The following NCMAP variants were observed in gnomAD, a reference collection of about 807,000 sequenced individuals.
The protein encoded by NCMAP is noncompact myelin-associated protein.
Under a neutral mutation model 7.8 loss-of-function variants are expected in NCMAP, and 8 were observed. The observed-to-expected ratio is 1.02, with a 90% CI of 0.60 to 1.84. The LOEUF (loss-of-function observed/expected upper bound fraction) is 1.84. NCMAP is among the 40% of genes most tolerant of loss of function. The probability of loss-of-function intolerance (pLI) is 0.00; values close to 1 mark genes in which losing one functional copy is unlikely to be tolerated. For missense variants in NCMAP, 112 were observed against 131.4 expected (o/e 0.85, Z 0.72); for synonymous variants, 41 against 52.9 (o/e 0.78, Z 0.98).
At chr1:24,565,255 A>G (rs1651190145) in intron 1 of NCMAP, among the ~76,000 whole-genome samples, 1 of 151,924 alleles carries the variant, frequency 6.6e-6, no homozygotes, top group Non-Finnish European at 1.5e-5. Context: ...GAGGAATCTC[A>G]AGGCTGCCCT....
At position 24,569,316 on chromosome 1, in the gene NCMAP, G is replaced by T. The variant is rs556556256; in HGVS notation, c.-8+13147G>T. ...GTCCCAACATATTTCTTGAATCTAG[G>T]TTCCACTCTGGCCCTCCCTGGGCAC... is the stretch of plus-strand genomic sequence containing the variant. On this transcript the variant is annotated intron_variant, in intron 1 of 3. Transcript: ENST00000374392. 2.1e-5 allele frequency among the ~76,000 whole-genome samples: 3 copies of T among 145,122 alleles called. No homozygotes were observed. In the South Asian group the frequency reaches 6.2e-4, roughly 30 times the overall value.
chr1:24,596,416 C>T (rs1423418395), intron 2 of NCMAP, among the ~76,000 whole-genome samples: 2 of 152,320 alleles, frequency 1.3e-5, no homozygotes, highest in East Asian at 1.9e-4. Context: ...GGCATGGTGG[C>T]TCATGCCTGT....
At chr1:24,600,014 TA>T (rs1652422383) in intron 2 of NCMAP, among the ~76,000 whole-genome samples, 1 of 152,160 alleles carries the variant, frequency 6.6e-6, no homozygotes, top group Non-Finnish European at 1.5e-5. Context: ...TTTAATTTTT[TA>T]TACAGAGATA....
chr1:24,577,588 G>C (rs2148929930), intron 1 of NCMAP, among the ~76,000 whole-genome samples: 1 of 151,822 alleles, frequency 6.6e-6, no homozygotes, highest in South Asian at 2.1e-4. Context: ...CCTTGGTTCT[G>C]GAAGTCAACA....
chr1:24,592,664 A>T (rs1240994896), intron 1 of NCMAP, among the ~76,000 whole-genome samples: 1 of 152,156 alleles, frequency 6.6e-6, no homozygotes, highest in Non-Finnish European at 1.5e-5. Context: ...CACACCTGTA[A>T]TCCCAGCATT....
At chr1:24,569,761 A>G (rs1651336410) in intron 1 of NCMAP, among the ~76,000 whole-genome samples, 1 of 150,618 alleles carries the variant, frequency 6.6e-6, no homozygotes, top group Non-Finnish European at 1.5e-5. Flanking sequence ...ATACAAATAA[A>G]AGCTTACTTA....
At chr1:24,563,212 C>T (rs1409413197) in intron 1 of NCMAP, among the ~76,000 whole-genome samples, 4 of 152,322 alleles carry the variant, frequency 2.6e-5, no homozygotes, top group South Asian at 2.1e-4. Flanking sequence ...ACTGAAGCAA[C>T]GGTGGCCAAA....
chr1:24,573,881 G>A (rs772411191), intron 1 of NCMAP, among the ~76,000 whole-genome samples: 23 of 147,252 alleles, frequency 1.6e-4, no homozygotes, highest in Admixed American at 2.7e-4. Flanking sequence ...GCGAGTCTGA[G>A]TGGACTAGAC....
chr1:24,594,172 A>G (rs1373932189), intron 1 of NCMAP, among the ~76,000 whole-genome samples: 2 of 152,118 alleles, frequency 1.3e-5, no homozygotes, highest in Non-Finnish European at 2.9e-5. Flanking sequence ...GATTACCGGC[A>G]TAAGCCACCA....
In NCMAP at chr1:24,609,037, A is replaced by C. The variant is rs1284130607; in HGVS notation, c.*3290A>C. 3 of 152,250 alleles carry C rather than the reference A, an allele frequency of 2.0e-5. No individual in the cohort carries two copies. The highest frequency in any genetic ancestry group is 7.2e-5 in the African/African-American group (3 of 41,466). The allele number at this position is 152,250 out of a possible 1,614,324, so 9.4% of individuals were successfully genotyped here. On this transcript the variant is annotated 3_prime_UTR_variant, in exon 4 of 4. Coordinates refer to ENST00000374392, the MANE Select transcript of NCMAP (RefSeq NM_001010980.5). ...GGAGATGGAGTGGTGAGGGCGAGTC[A>C]AATAAAAGGATTTGAGTGTCTCGTT... is the stretch of plus-strand genomic sequence containing the variant.
At chr1:24,584,954 G>C (rs1187779695) in intron 1 of NCMAP, among the ~76,000 whole-genome samples, 1 of 139,546 alleles carries the variant, frequency 7.2e-6, no homozygotes, top group African/African-American at 2.7e-5. Flanking sequence ...GAAGGACTGT[G>C]TGCCCAGTGA....
intron 1 of NCMAP, among the ~76,000 whole-genome samples, chr1:24,592,481 T>C (rs1056824516): frequency 6.6e-6 from 1 of 152,180 alleles, no homozygotes; most frequent in Non-Finnish European, 1.5e-5. Context: ...ATATATAATA[T>C]ATATGTTATG....
intron 1 of NCMAP, among the ~76,000 whole-genome samples, chr1:24,577,417 T>G (rs1651613700): frequency 2.7e-5 from 4 of 146,462 alleles, no homozygotes; most frequent in African/African-American, 5.0e-5. Flanking sequence ...TTTTTTTTTT[T>G]TTTTTTTTTT....
rs1016929454 is a variant in NCMAP at position 24,606,239 on chromosome 1, C to T, written c.*492C>T. 2 of 153,434 alleles carry T rather than the reference C, an allele frequency of 1.3e-5. No homozygotes were observed. The highest frequency in any genetic ancestry group is 2.0e-4 in the South Asian group (1 of 4,880). 9.5% of individuals were successfully genotyped at this position (153,434 alleles called of 1,614,324 possible). A position where few individuals can be genotyped will look rare whatever the true frequency, so the allele number is the denominator to read the frequency against. On this transcript the variant is annotated 3_prime_UTR_variant, in exon 4 of 4. Coordinates refer to ENST00000374392, the MANE Select transcript of NCMAP (RefSeq NM_001010980.5). The stretch of plus-strand genomic sequence containing the variant: ...CTAACTAACCAGAAAACCTTGTTAA[C>T]GTATAACTTGTTCCAGTACTACATC...
chr1:24,599,098 G>A (rs1281357017), intron 2 of NCMAP, among the ~76,000 whole-genome samples: 1 of 150,142 alleles, frequency 6.7e-6, no homozygotes. Flanking sequence ...TGGCCAACAT[G>A]GTGAAACCCC....
intron 3 of NCMAP, among the ~76,000 whole-genome samples, chr1:24,604,628 ATATATATATATATATATATATATATG>A (rs1459110267): frequency 1.3e-5 from 1 of 76,084 alleles, no homozygotes; most frequent in East Asian, 3.6e-4. Context: ...ATATATATAT[ATATATATATATATATATATATATATG>A]TCAGCAAGAT....
At chr1:24,587,442 C>A (rs1651913417) in intron 1 of NCMAP, among the ~76,000 whole-genome samples, 1 of 152,178 alleles carries the variant, frequency 6.6e-6, no homozygotes, top group African/African-American at 2.4e-5. Context: ...TACCAGCTAC[C>A]CCAACTGCTC....
rs1329769950 is a variant in NCMAP, at chr1:24,565,592, G to GTT, written c.-8+9424_-8+9425insTT. Among the ~76,000 whole-genome samples the GTT allele has an allele frequency of 2.5e-4, 37 of 149,218 alleles. 1 individual carries two copies. In the South Asian group the frequency reaches 7.6e-3, roughly 31 times the overall value. ...GAAGATTGTGTGTGTGTGTGTGTGT[G>GTT]TGTGTGTGTGTGTGTGTGTGTGTTT... On this transcript the variant is annotated intron_variant, in intron 1 of 3. Coordinates refer to ENST00000374392, the MANE Select transcript of NCMAP (RefSeq NM_001010980.5).
At chr1:24,565,572 TTGTGTGTGTGTGTGTG>T (rs58714256) in intron 1 of NCMAP, among the ~76,000 whole-genome samples, 3,855 of 143,766 alleles carry the variant, frequency 0.027, 171 homozygotes, top group African/African-American at 0.089. Context: ...TGATAGAAGA[TTGTGTGTGTGTGTGTG>T]TGTGTGTGTG....
Sources: gnomAD v4.1 joint callset for allele counts (sites outside exome capture counted in the v4.1 genomes callset) on GRCh38, gnomAD v4.1.1 for gene constraint, MANE v1.5 for transcripts, NCBI Gene and HGNC (gene_info 2026-07-23, HGNC 2026-07-21) for gene names.